The following TENM3 variants were observed in gnomAD, a reference collection of about 807,000 sequenced individuals.
TENM3 encodes teneurin-3.
TENM3 carries 63 observed loss-of-function variants against 255.1 expected under a neutral mutation model. That is an observed-to-expected ratio of 0.25 (90% CI 0.20 to 0.30). TENM3 has a LOEUF of 0.30. TENM3 is among the 10% of genes least tolerant of loss of function. The probability of loss-of-function intolerance (pLI) is 1.00; values close to 1 mark genes in which losing one functional copy is unlikely to be tolerated. For missense variants in TENM3, 2,929 were observed against 3,461.1 expected (o/e 0.85, Z 3.86); for synonymous variants, 1,306 against 1,322.3 (o/e 0.99, Z 0.27).
the TENM3 span, among the ~76,000 whole-genome samples, chr4:181,473,253 T>C: frequency 2.6e-5 from 4 of 152,088 alleles, no homozygotes; most frequent in African/African-American, 9.7e-5. Flanking sequence ...TATTTGGTTG[T>C]TTTTCACAGA....
At chr4:182,745,817 G>GGAA (rs1554027862) in intron 19 of TENM3, among the ~76,000 whole-genome samples, 15 of 149,792 alleles carry the variant, frequency 1.0e-4, no homozygotes, top group African/African-American at 1.7e-4. Flanking sequence ...TCTCCCTCTG[G>GGAA]AAAAAAAAAA....
chr4:181,470,654 C>T, the TENM3 span, among the ~76,000 whole-genome samples: 11 of 152,088 alleles, frequency 7.2e-5, no homozygotes, highest in Non-Finnish European at 7.4e-5. Context: ...TGGATTTAAA[C>T]GTCTTCAAAC....
chr4:181,574,708 T>G, the TENM3 span, among the ~76,000 whole-genome samples: 7 of 152,182 alleles, frequency 4.6e-5, no homozygotes, highest in African/African-American at 1.7e-4. Flanking sequence ...AAAGGTAGAA[T>G]TATATGTTTT....
At chr4:182,698,531 A>G (rs1414069284) in intron 12 of TENM3, among the ~76,000 whole-genome samples, 1 of 152,222 alleles carries the variant, frequency 6.6e-6, no homozygotes, top group Non-Finnish European at 1.5e-5. Context: ...CTTGCTGTGT[A>G]ACCGTCAGGA....
chr4:182,785,015 G>A (rs1260946317), intron 24 of TENM3, among the ~76,000 whole-genome samples: 2 of 152,090 alleles, frequency 1.3e-5, no homozygotes, highest in South Asian at 4.1e-4. Context: ...CACCGTCTTC[G>A]GCGTCTCTCA....
the TENM3 span, among the ~76,000 whole-genome samples, chr4:181,521,349 C>A: frequency 2.6e-5 from 4 of 152,150 alleles, no homozygotes; most frequent in African/African-American, 9.7e-5. Flanking sequence ...CATTAGCTTT[C>A]TTTAGTTCTT....
At chr4:181,870,641 T>C in the TENM3 span, among the ~76,000 whole-genome samples, 1 of 152,178 alleles carries the variant, frequency 6.6e-6, no homozygotes, top group Non-Finnish European at 1.5e-5. Flanking sequence ...GACTTGCTTT[T>C]AAAGTATCTT....
At chr4:181,879,808 T>A in the TENM3 span, among the ~76,000 whole-genome samples, 2 of 152,184 alleles carry the variant, frequency 1.3e-5, no homozygotes, top group Non-Finnish European at 2.9e-5. Flanking sequence ...CTTGTGGCAC[T>A]TCGTTGATTG....
chr4:181,962,100 A>G, the TENM3 span, among the ~76,000 whole-genome samples: 1 of 152,222 alleles, frequency 6.6e-6, no homozygotes, highest in African/African-American at 2.4e-5. Flanking sequence ...AAGACAGCTT[A>G]AAAGCAGATT....
the TENM3 span, among the ~76,000 whole-genome samples, chr4:181,985,072 T>C: frequency 1.3e-5 from 2 of 152,100 alleles, no homozygotes; most frequent in African/African-American, 2.4e-5. Context: ...TTCAGTCTTA[T>C]GTGTCCTGAC....
intron 3 of TENM3, among the ~76,000 whole-genome samples, chr4:182,415,263 G>C (rs916480478): frequency 6.6e-6 from 1 of 152,142 alleles, no homozygotes; most frequent in East Asian, 1.9e-4. Flanking sequence ...TTCTGGCACT[G>C]TTATCTTTGA....
chr4:181,604,845 C>T, the TENM3 span, among the ~76,000 whole-genome samples: 4 of 152,198 alleles, frequency 2.6e-5, no homozygotes, highest in African/African-American at 7.2e-5. Flanking sequence ...TAGCTGGCAT[C>T]TCAGCTGTCT....
At chr4:181,541,944 A>G in the TENM3 span, among the ~76,000 whole-genome samples, 1 of 152,222 alleles carries the variant, frequency 6.6e-6, no homozygotes, top group Non-Finnish European at 1.5e-5. Context: ...AAGTTGTGTC[A>G]AAAGGTGGGT....
chr4:182,342,803 C>T (rs549973637), intron 2 of TENM3, among the ~76,000 whole-genome samples: 4 of 152,258 alleles, frequency 2.6e-5, no homozygotes, highest in African/African-American at 7.2e-5. Flanking sequence ...ACTAGTCCCT[C>T]GGGTAGAATC....
At chr4:182,731,187 C>T in intron 16 of TENM3, 48 bp downstream of exon 16, 1 of 1,574,626 alleles carries the variant, frequency 6.4e-7, no homozygotes, top group South Asian at 1.1e-5. Context: ...ATCTTCAGAT[C>T]ATGTTTTGCC....
intron 3 of TENM3, among the ~76,000 whole-genome samples, chr4:182,509,937 CAA>C (rs55817843): frequency 0.044 from 4,565 of 104,740 alleles, 126 homozygotes; most frequent in East Asian, 0.12. Context: ...AACTCTGTCT[CAA>C]AAAAAAAAAA....
At chr4:182,117,930 C>T in the TENM3 span, among the ~76,000 whole-genome samples, 1 of 152,128 alleles carries the variant, frequency 6.6e-6, no homozygotes, top group Non-Finnish European at 1.5e-5. Context: ...AGTAATCTCT[C>T]CATTTACATA....
chr4:182,298,798 C>T (rs1761652961), intron 1 of TENM3, among the ~76,000 whole-genome samples: 1 of 151,488 alleles, frequency 6.6e-6, no homozygotes, highest in African/African-American at 2.4e-5. Flanking sequence ...TATGGTGAAA[C>T]CCCATCTCTA....
chr4:182,496,589 A>T (rs1298576830), intron 3 of TENM3, among the ~76,000 whole-genome samples: 1 of 152,054 alleles, frequency 6.6e-6, no homozygotes, highest in Non-Finnish European at 1.5e-5. Context: ...AGTCATTGTA[A>T]ATTTTAGTGC....
Sources: allele counts gnomAD v4.1 joint callset (sites outside exome capture counted in the v4.1 genomes callset), GRCh38; gene constraint gnomAD v4.1.1; transcripts MANE v1.5; gene names NCBI Gene and HGNC (gene_info 2026-07-23, HGNC 2026-07-21).